HSPA12A: variants seen among roughly 807,000 people sequenced by gnomAD.
HSPA12A encodes heat shock 70 kDa protein 12A.
Under a neutral mutation model 69.2 loss-of-function variants are expected in HSPA12A, and 28 were observed. The observed-to-expected ratio is 0.40, with a 90% confidence interval of 0.30 to 0.55. The LOEUF is 0.55. Among genes scored for constraint, HSPA12A ranks in the 20% least tolerant of loss-of-function variants. HSPA12A has a pLI of 0.38. For synonymous variants in HSPA12A, 345 were observed against 370.5 expected (o/e 0.93, Z 0.79); for missense variants, 686 against 900.7 (o/e 0.76, Z 3.05).
At chr10:116,770,418 G>C (rs1214626697) in intron 2 of HSPA12A, among the ~76,000 whole-genome samples, 1 of 152,204 alleles carries the variant, frequency 6.6e-6, no homozygotes, top group Non-Finnish European at 1.5e-5. Context: ...GAGGCTCAGC[G>C]GACACCCAGC....
At chr10:116,754,592 G>A (rs1843788720) in intron 2 of HSPA12A, among the ~76,000 whole-genome samples, 2 of 152,308 alleles carry the variant, frequency 1.3e-5, no homozygotes, top group South Asian at 4.1e-4. Flanking sequence ...GTGTGTGCAT[G>A]TAAATGCATC....
intron 1 of HSPA12A, among the ~76,000 whole-genome samples, chr10:116,732,114 T>C (rs1851169620): frequency 6.6e-6 from 1 of 152,002 alleles, no homozygotes; most frequent in African/African-American, 2.4e-5. Context: ...GCAGATCATT[T>C]GAGGTCAGGA....
At chr10:116,682,444 G>T (rs1398845323) in intron 7 of HSPA12A, among the ~76,000 whole-genome samples, 2 of 148,912 alleles carry the variant, frequency 1.3e-5, no homozygotes, top group African/African-American at 2.5e-5. Flanking sequence ...ATGCACCCTG[G>T]GTAAATAGAC....
intron 1 of HSPA12A, among the ~76,000 whole-genome samples, chr10:116,709,803 A>G (rs913884929): frequency 6.6e-6 from 1 of 152,198 alleles, no homozygotes; most frequent in Admixed American, 6.5e-5. Context: ...TTGTGAATAT[A>G]ATTCATGCCA....
intron 1 of HSPA12A, chr10:116,835,220 G>A (rs976761594): frequency 9.8e-6 from 3 of 304,798 alleles, no homozygotes; most frequent in Non-Finnish European, 1.8e-5. Context: ...GTGTGGCCTT[G>A]GGCAAGGTGC....
intron 1 of HSPA12A, among the ~76,000 whole-genome samples, chr10:116,739,118 C>T (rs1449001716): frequency 6.6e-6 from 1 of 152,160 alleles, no homozygotes; most frequent in Non-Finnish European, 1.5e-5. Context: ...CAACACAAGT[C>T]CCTGAGGGCC....
At chr10:116,787,573 T>G (rs1044823988) in intron 2 of HSPA12A, among the ~76,000 whole-genome samples, 1 of 152,136 alleles carries the variant, frequency 6.6e-6, no homozygotes, top group African/African-American at 2.4e-5. Context: ...GTCTGTATTT[T>G]TATATGCATC....
intron 1 of HSPA12A, among the ~76,000 whole-genome samples, chr10:116,709,561 A>T (rs1257470713): frequency 6.6e-6 from 1 of 152,216 alleles, no homozygotes; most frequent in African/African-American, 2.4e-5. Context: ...AACATAGGTG[A>T]ACCTAGAAAA....
intron 2 of HSPA12A, among the ~76,000 whole-genome samples, chr10:116,706,349 C>T (rs1850248772): frequency 1.3e-5 from 2 of 152,120 alleles, no homozygotes; most frequent in Admixed American, 1.3e-4. Context: ...GAAGCTCTTA[C>T]AGGACAACTT....
In HSPA12A at chr10:116,825,212, A is replaced by T. The variant is rs532123391; in HGVS notation, c.91+9723T>A. Among the ~76,000 whole-genome samples, 39 of 148,014 alleles carry T rather than the reference A, an allele frequency of 2.6e-4. No individual in the cohort carries two copies. The East Asian group carries it at 4.4e-3, about 17-fold the overall frequency. ...AAAAAAAAAAAAAATAAGTAAATTT[A>T]AAAAAAAAATGAAGTGGCCGGGCGT... is the stretch of plus-strand genomic sequence containing the variant. On this transcript the variant is annotated intron_variant, in intron 2 of 12. Coordinates refer to the HSPA12A transcript ENST00000635765.
chr10:116,820,144 T>C (rs2133196247), intron 2 of HSPA12A, among the ~76,000 whole-genome samples: 1 of 152,300 alleles, frequency 6.6e-6, no homozygotes, highest in East Asian at 1.9e-4. Context: ...TTTTAGTTGG[T>C]AAAAATGGGT....
intron 1 of HSPA12A, among the ~76,000 whole-genome samples, chr10:116,726,429 A>G (rs1554885043): frequency 6.6e-6 from 1 of 151,676 alleles, no homozygotes; most frequent in Non-Finnish European, 1.5e-5. Context: ...ATATACGCAC[A>G]TTCCCAGCAG....
chr10:116,811,624 C>A (rs1303450099), intron 2 of HSPA12A, among the ~76,000 whole-genome samples: 6 of 150,024 alleles, frequency 4.0e-5, no homozygotes, highest in African/African-American at 7.4e-5. Context: ...TTGCCGTCCC[C>A]ATCCCCTGTC....
rs55780024 is a variant in HSPA12A at position 116,678,348 on chromosome 10, C to CAAAA, written c.1286+1151_1286+1154dup. Among the ~76,000 whole-genome samples the CAAAA allele has an allele frequency of 1.5e-3, 87 of 59,320 alleles. 3 individuals are homozygous for CAAAA. Among genetic ancestry groups the CAAAA allele is most frequent in the South Asian group, 1.9e-3 (2 of 1,076 alleles). The allele number at this position is 59,320 out of a possible 152,430, so 38.9% of individuals were successfully genotyped here. A position where few individuals can be genotyped will look rare whatever the true frequency, so the allele number is the denominator to read the frequency against. On this transcript the variant is annotated intron_variant, in intron 10 of 11. Coordinates refer to ENST00000369209, the MANE Select transcript of HSPA12A (RefSeq NM_025015.3). ...ACCTCTAAGTCCATCTGCCAACTTG[C>CAAAA]AAAAAAAAAAAAAAAAAAAAAAAAG...
At chr10:116,747,524 C>T (rs1298530585), upstream of HSPA12A, among the ~76,000 whole-genome samples, 2 of 152,192 alleles carry the variant, frequency 1.3e-5, no homozygotes, top group Non-Finnish European at 2.9e-5. Flanking sequence ...GAGAAACTGG[C>T]ATGATCACGT....
At chr10:116,806,082 G>A (rs1335153937) in intron 2 of HSPA12A, among the ~76,000 whole-genome samples, 1 of 152,162 alleles carries the variant, frequency 6.6e-6, no homozygotes, top group African/African-American at 2.4e-5. Flanking sequence ...TTGACCTCCA[G>A]GTGCTGACAA....
At position 116,710,616 on chromosome 10, in the gene HSPA12A, G is replaced by T. The variant is rs369102481; in HGVS notation, c.41-3331C>A. On this transcript the variant is annotated intron_variant, in intron 1 of 11. Transcript: ENST00000369209. The surrounding 1 kb of genome is among the most constrained non-coding windows in gnomAD (Gnocchi z 4.1). ...TGCTGATCACTCAGCCAGGCCTAGA[G>T]GCAGCCGAACTTCATGGACTTTTTC... Among the ~76,000 whole-genome samples the T allele has an allele frequency of 8.5e-5, 13 of 152,304 alleles. No homozygotes were observed. Among genetic ancestry groups the T allele is most frequent in the South Asian group, 2.1e-4 (1 of 4,824 alleles).
intron 5 of HSPA12A, among the ~76,000 whole-genome samples, chr10:116,693,156 T>C (rs1171012744): frequency 3.9e-5 from 6 of 152,184 alleles, no homozygotes; most frequent in Non-Finnish European, 7.4e-5. Flanking sequence ...CGGTGGCAGC[T>C]GTCATCATTG....
rs186478217 is a variant in HSPA12A at position 116,798,135 on chromosome 10, C to T, written c.91+36800G>A. On this transcript the variant is annotated intron_variant, in intron 2 of 12. Coordinates refer to the HSPA12A transcript ENST00000635765. ...TCAGGGGAATGACATGATCAGGCCCCGAACTGGACTTCCCTCAATGTGGAC... is the reference window on the plus strand; with the variant it reads ...TCAGGGGAATGACATGATCAGGCCCTGAACTGGACTTCCCTCAATGTGGAC... 2.4e-4 allele frequency among the ~76,000 whole-genome samples: 34 copies of T among 141,052 alleles called. No homozygotes were observed. The East Asian group carries it at 3.4e-3, about 14-fold the overall frequency. 92.5% of individuals were successfully genotyped at this position (141,052 alleles called of 152,430 possible). A position where few individuals can be genotyped will look rare whatever the true frequency, so the allele number is the denominator to read the frequency against.
Sources: gnomAD v4.1 joint callset for allele counts (sites outside exome capture counted in the v4.1 genomes callset) on GRCh38, gnomAD v4.1.1 for gene constraint, Gnocchi (gnomAD v3.1) non-coding constraint, MANE v1.5 for transcripts, NCBI Gene and HGNC (gene_info 2026-07-23, HGNC 2026-07-21) for gene names.